Variants in CSMD2 observed in about 807,000 individuals in gnomAD.
CSMD2 encodes CUB and Sushi multiple domains 2.
Under a neutral mutation model 398.5 loss-of-function variants are expected in CSMD2, and 130 were observed. The ratio of observed to expected loss-of-function variants is 0.33; its 90% confidence interval spans 0.28 to 0.38. The LOEUF is 0.38. Ranked by LOEUF, CSMD2 falls within the 10% of genes least tolerant of loss-of-function variation. The probability of loss-of-function intolerance (pLI) is 1.00; values close to 1 mark genes in which losing one functional copy is unlikely to be tolerated. For missense variants in CSMD2, 3,829 were observed against 4,764.9 expected (o/e 0.80, Z 5.78); for synonymous variants, 1,828 against 1,908.5 (o/e 0.96, Z 1.10).
At chr1:34,052,515 G>GTGTGTC (rs1653318052) in intron 2 of CSMD2, among the ~76,000 whole-genome samples, 2 of 151,198 alleles carry the variant, frequency 1.3e-5, no homozygotes, top group African/African-American at 4.9e-5. Context: ...GTGTGTGTGT[G>GTGTGTC]TGTGTGTGTG....
chr1:33,873,621 GCAAA>G (rs1419480491), intron 5 of CSMD2: 1 of 152,204 alleles, frequency 6.6e-6, no homozygotes, highest in Admixed American at 6.5e-5. Flanking sequence ...ACTGAATCCA[GCAAA>G]CAATTATGTG....
chr1:34,136,700 C>A (rs796761171), intron 1 of CSMD2, among the ~76,000 whole-genome samples: 4 of 152,246 alleles, frequency 2.6e-5, no homozygotes, highest in African/African-American at 9.6e-5. Context: ...CCAGCCAATC[C>A]CCAAATGAGT....
chr1:34,084,453 T>C (rs1417357838), intron 2 of CSMD2, among the ~76,000 whole-genome samples: 6 of 152,044 alleles, frequency 3.9e-5, no homozygotes, highest in Non-Finnish European at 8.8e-5. Context: ...ACCTACAGAA[T>C]GGGAGAAAAA....
Position 33,537,081 on chromosome 1 carries a change from T to C in CSMD2, c.9820A>G (p.Thr3274Ala). ...QPSCIDPTLT[T>A]CADPGVPQFG... ...TGTGGCACACCAGGGTCCGCACACG[T>C]GGTCAGGGTCGGATCTGGATGGCCA... is the stretch of plus-strand genomic sequence containing the variant. The change falls in exon 62 of 71, where the codon ACG becomes GCG. Residue 3274 changes from threonine to alanine, a missense_variant. Transcript: ENST00000373381. This position sits in a 1 kb window ranked among gnomAD's most constrained non-coding sequence, Gnocchi z 4.6. 1 of 1,614,134 alleles carries C rather than the reference T, an allele frequency of 6.2e-7. No individual in the cohort carries two copies. The highest frequency in any genetic ancestry group is 8.5e-7 in the Non-Finnish European group (1 of 1,180,016).
intron 3 of CSMD2, among the ~76,000 whole-genome samples, chr1:33,950,544 T>C (rs1423649301): frequency 8.1e-6 from 1 of 123,204 alleles, no homozygotes; most frequent in Non-Finnish European, 1.6e-5. Context: ...TGCAGGGACA[T>C]GGCATGTGGG....
chr1:33,814,376 C>T (rs564824438), intron 9 of CSMD2, among the ~76,000 whole-genome samples: 204 of 152,266 alleles, frequency 1.3e-3, no homozygotes, highest in African/African-American at 4.5e-3. Context: ...TAGCTATTGC[C>T]CAGTGACCCT....
At chr1:34,122,374 G>C (rs769921919) in intron 1 of CSMD2, among the ~76,000 whole-genome samples, 1 of 152,080 alleles carries the variant, frequency 6.6e-6, no homozygotes, top group Non-Finnish European at 1.5e-5. Flanking sequence ...CCGAGGTCCG[G>C]GATCTGCAGG....
chr1:33,989,298 T>C (rs7553662), intron 3 of CSMD2, among the ~76,000 whole-genome samples: 76,246 of 151,346 alleles, frequency 0.5, 19,771 homozygotes, highest in African/African-American at 0.62. Flanking sequence ...TACCACCACA[T>C]ACCCATTAGA....
At chr1:33,880,220 G>C (rs1228739569) in intron 5 of CSMD2, among the ~76,000 whole-genome samples, 1 of 152,142 alleles carries the variant, frequency 6.6e-6, no homozygotes, top group Non-Finnish European at 1.5e-5. Flanking sequence ...TCCCAAGTCA[G>C]TGCCCCTTTG....
chr1:33,894,299 G>A (rs1040976255), intron 5 of CSMD2, among the ~76,000 whole-genome samples: 9 of 152,118 alleles, frequency 5.9e-5, no homozygotes, highest in African/African-American at 2.2e-4. Context: ...TGTCCTTCCT[G>A]TAATACTCGA....
intron 3 of CSMD2, among the ~76,000 whole-genome samples, chr1:33,948,562 C>T (rs1048028206): frequency 6.6e-6 from 1 of 152,204 alleles, no homozygotes; most frequent in Non-Finnish European, 1.5e-5. Context: ...ACAATGGATA[C>T]AACACACTTA....
chr1:33,698,649 G>C, intron 24 of CSMD2, 104 bp downstream of exon 24: 1 of 1,063,620 alleles, frequency 9.4e-7, no homozygotes, highest in Non-Finnish European at 1.3e-6. Context: ...CAAGTTGATG[G>C]CCCCCAGGCC....
chr1:33,818,568 T>A (rs78955776), intron 9 of CSMD2, among the ~76,000 whole-genome samples: 1,663 of 152,188 alleles, frequency 0.011, 36 homozygotes, highest in African/African-American at 0.038. Flanking sequence ...TTGCTGAGAG[T>A]TATGACAAGA....
intron 10 of CSMD2, among the ~76,000 whole-genome samples, chr1:33,795,435 T>C (rs79558209): frequency 0.034 from 5,194 of 152,254 alleles, 290 homozygotes; most frequent in African/African-American, 0.12. Context: ...TTTCCTAGCA[T>C]GAAACATAAG....
chr1:34,061,140 A>AG (rs1022314140), intron 2 of CSMD2, among the ~76,000 whole-genome samples: 2 of 151,946 alleles, frequency 1.3e-5, no homozygotes, highest in African/African-American at 2.4e-5. Flanking sequence ...CAATGGGGAG[A>AG]GGGGGGCTAC....
intron 2 of CSMD2, among the ~76,000 whole-genome samples, chr1:34,078,798 C>G (rs1403836146): frequency 6.6e-6 from 1 of 152,208 alleles, no homozygotes; most frequent in African/African-American, 2.4e-5. Context: ...GCCCCAAGAA[C>G]ACATTTCACT....
At chr1:33,765,839 C>T (rs1348708637) in intron 13 of CSMD2, among the ~76,000 whole-genome samples, 1 of 152,168 alleles carries the variant, frequency 6.6e-6, no homozygotes, top group Non-Finnish European at 1.5e-5. Context: ...ATACCAACAC[C>T]TCAGTAGCCA....
At chr1:34,012,570 T>G (rs1414357399) in intron 3 of CSMD2, among the ~76,000 whole-genome samples, 1 of 152,010 alleles carries the variant, frequency 6.6e-6, no homozygotes, top group African/African-American at 2.4e-5. Context: ...ACCTCCTGAG[T>G]AGCTGTGACT....
rs140470786 is a variant in CSMD2, at chr1:33,795,684, G to A, written c.1447-3158C>T. ...AGCCCCTGCTCAGCCCCTTCCTCTCGTCTGTTTTAGCACTTACCTGCTGGA... is the reference window on the plus strand; with the variant it reads ...AGCCCCTGCTCAGCCCCTTCCTCTCATCTGTTTTAGCACTTACCTGCTGGA... On this transcript the variant is annotated intron_variant, in intron 10 of 70. Transcript: ENST00000373381. 2.8e-3 allele frequency among the ~76,000 whole-genome samples: 432 copies of A among 152,264 alleles called. 3 individuals carry two copies. The highest frequency in any genetic ancestry group is 0.022 in the South Asian group (106 of 4,828).
Sources: gnomAD v4.1 joint callset for allele counts (sites outside exome capture counted in the v4.1 genomes callset) on GRCh38, gnomAD v4.1.1 for gene constraint, Gnocchi (gnomAD v3.1) non-coding constraint, MANE v1.5 for transcripts, NCBI Gene and HGNC (gene_info 2026-07-23, HGNC 2026-07-21) for gene names.